Variants in DNAH14 observed in about 807,000 individuals in gnomAD.
The protein encoded by DNAH14 is axonemal beta dynein heavy chain 14.
A neutral mutation model predicts 520.9 loss-of-function variants in DNAH14; 478 were observed. That is an observed-to-expected ratio of 0.92 (90% CI 0.85 to 0.99). The LOEUF (loss-of-function observed/expected upper bound fraction) is 0.99. Among genes scored for constraint, DNAH14 ranks in the 50% least tolerant of loss-of-function variants. DNAH14 has a pLI of 0.00. For missense variants in DNAH14, 4,831 were observed against 5,234.5 expected (o/e 0.92, Z 2.38); for synonymous variants, 1,581 against 1,757.2 (o/e 0.90, Z 2.51).
rs1491330108 is a variant in DNAH14, at chr1:225,335,434, CAT to C, written c.10081-1831_10081-1830del. 1.8e-4 allele frequency among the ~76,000 whole-genome samples: 23 copies of C among 126,718 alleles called. 5 individuals are homozygous for C. The highest frequency in any genetic ancestry group is 5.3e-4 in the Admixed American group (7 of 13,168). 83.1% of individuals were successfully genotyped at this position (126,718 alleles called of 152,430 possible). On this transcript the variant is annotated intron_variant, in intron 66 of 85. Transcript: ENST00000682510. ...GTGTATGCACATATGCACGTGTGTA[CAT>C]GTGTGTGTATGCACATATGCACGTG... is the stretch of plus-strand genomic sequence containing the variant.
At chr1:225,293,946 A>T (rs889036344) in intron 55 of DNAH14, among the ~76,000 whole-genome samples, 1 of 151,992 alleles carries the variant, frequency 6.6e-6, no homozygotes, top group African/African-American at 2.4e-5. Context: ...CCTTTATCTA[A>T]TTGCTTTGGC....
intron 43 of DNAH14, among the ~76,000 whole-genome samples, chr1:225,244,111 T>C (rs899042372): frequency 6.6e-6 from 1 of 152,154 alleles, no homozygotes; most frequent in Admixed American, 6.6e-5. Flanking sequence ...AATCATATGT[T>C]TTTTGTTACT....
intron 43 of DNAH14, among the ~76,000 whole-genome samples, chr1:225,247,243 G>A (rs1053567580): frequency 5.9e-5 from 9 of 151,962 alleles, no homozygotes; most frequent in Non-Finnish European, 1.2e-4. Flanking sequence ...GGGGCAAGGG[G>A]AGGGAGAGCA....
intron 41 of DNAH14, among the ~76,000 whole-genome samples, chr1:225,227,596 T>C (rs1369665982): frequency 6.6e-6 from 1 of 152,138 alleles, no homozygotes; most frequent in Non-Finnish European, 1.5e-5. Flanking sequence ...CCCACACATT[T>C]GCAGGGTTAC....
chr1:225,061,317 C>T (rs929684524), intron 17 of DNAH14, among the ~76,000 whole-genome samples: 1 of 152,332 alleles, frequency 6.6e-6, no homozygotes, highest in South Asian at 2.1e-4. Context: ...CTGAGCCAGG[C>T]GCTGGATACA....
rs1453114640 is a variant in DNAH14, at chr1:225,392,361, C to A, written c.13401C>A (p.Thr4467=). ...TCGCTGTGGATGCCCTCACCTTCAC[C>A]CACCATGTGATTTCCAACACCACTG... ...RGIAVDALTF[T]HHVISNTTDK... is the part of the protein sequence containing the mutation. Residue 4467 remains threonine (T), a synonymous_variant, in exon 84 of 86, where the codon ACC becomes ACA. Coordinates refer to ENST00000682510, the MANE Select transcript of DNAH14 (RefSeq NM_001367479.1). The A allele has an allele frequency of 1.3e-6, 2 of 1,552,174 alleles. No individual in the cohort carries two copies. The highest frequency in any genetic ancestry group is 2.7e-5 in the African/African-American group (2 of 73,052).
At chr1:225,318,916 C>G (rs1438303668) in intron 61 of DNAH14, among the ~76,000 whole-genome samples, 1 of 151,798 alleles carries the variant, frequency 6.6e-6, no homozygotes, top group East Asian at 1.9e-4. Flanking sequence ...TTTTTTGTAT[C>G]CTGAAGAAAA....
At chr1:224,939,223 C>A (rs1470262127) in intron 1 of DNAH14, among the ~76,000 whole-genome samples, 1 of 152,172 alleles carries the variant, frequency 6.6e-6, no homozygotes, top group Admixed American at 6.5e-5. Context: ...TTATTGTCTT[C>A]TGGCTTCTGT....
chr1:224,993,943 G>A (rs973456912), intron 8 of DNAH14, among the ~76,000 whole-genome samples: 3 of 151,664 alleles, frequency 2.0e-5, no homozygotes, highest in Non-Finnish European at 2.9e-5. Flanking sequence ...TGGCTTTTTC[G>A]TTGTGCAAGA....
rs1393412681 is a variant in DNAH14 at position 224,964,380 on chromosome 1, A to C, written c.368-99A>C. 1.0e-5 allele frequency: 13 copies of C among 1,287,394 alleles called. No homozygotes were observed. The East Asian group carries it at 3.5e-4, about 34-fold the overall frequency. 79.7% of individuals were successfully genotyped at this position (1,287,394 alleles called of 1,614,324 possible). A position where few individuals can be genotyped will look rare whatever the true frequency, so the allele number is the denominator to read the frequency against. ...GTTATGTATACTTTGTTACCATTTA[A>C]ATTTTTCTCTATATAGAAATATTTG... On this transcript the variant is annotated intron_variant, in intron 4 of 85. Coordinates refer to ENST00000682510, the MANE Select transcript of DNAH14 (RefSeq NM_001367479.1).
At chr1:224,991,990 A>G (rs985637939) in intron 8 of DNAH14, among the ~76,000 whole-genome samples, 3 of 152,192 alleles carry the variant, frequency 2.0e-5, no homozygotes, top group Non-Finnish European at 4.4e-5. Context: ...TTTATTGAAG[A>G]GACTATCCTT....
At chr1:225,332,941 C>T (rs553887233) in intron 65 of DNAH14, among the ~76,000 whole-genome samples, 2 of 152,118 alleles carry the variant, frequency 1.3e-5, no homozygotes, top group African/African-American at 4.8e-5. Flanking sequence ...GAGATCAAGG[C>T]TGCAGTGAGC....
At chr1:225,271,017 G>A (rs1476038468) in intron 50 of DNAH14, among the ~76,000 whole-genome samples, 151 bp downstream of exon 50, 1 of 152,104 alleles carries the variant, frequency 6.6e-6, no homozygotes, top group African/African-American at 2.4e-5. Flanking sequence ...TTATAATTTG[G>A]TTCTACATAT....
intron 41 of DNAH14, among the ~76,000 whole-genome samples, chr1:225,221,840 T>C (rs745584419): frequency 2.0e-5 from 3 of 152,242 alleles, no homozygotes; most frequent in Non-Finnish European, 4.4e-5. Flanking sequence ...GGTTGTTTAC[T>C]GATGTTGTCC....
chr1:224,964,370 T>G, intron 4 of DNAH14, 109 bp from the exon 5 acceptor site: 2 of 1,234,462 alleles, frequency 1.6e-6, no homozygotes, highest in Non-Finnish European at 2.1e-6. Context: ...GTATACTTTG[T>G]TACCATTTAA....
At chr1:225,082,123 T>C (rs973177500) in intron 19 of DNAH14, among the ~76,000 whole-genome samples, 1 of 150,420 alleles carries the variant, frequency 6.6e-6, no homozygotes, top group Non-Finnish European at 1.5e-5. Flanking sequence ...AAGATGTTAA[T>C]TAAATAAATA....
chr1:225,010,414 T>C (rs767402918), intron 10 of DNAH14, among the ~76,000 whole-genome samples: 1 of 152,218 alleles, frequency 6.6e-6, no homozygotes, highest in Non-Finnish European at 1.5e-5. Context: ...TTTGTGTATG[T>C]TGAACCAGCC....
At chr1:225,093,517 G>A (rs1007524807) in intron 21 of DNAH14, among the ~76,000 whole-genome samples, 2 of 152,076 alleles carry the variant, frequency 1.3e-5, no homozygotes, top group African/African-American at 4.8e-5. Flanking sequence ...CAAACCCGCA[G>A]CCAACATCAT....
In DNAH14 at chr1:225,100,818, T is replaced by C; in HGVS notation, c.3801T>C (p.Ser1267=). ...AGAATGCTTTGCAGATAACCACTTC[T>C]GCAGGAGTCCTTGAAATTCTGCAAA... The part of the protein sequence containing the change: ...NKQNALQITT[S]AGVLEILQNC... Residue 1267 remains serine (S), a synonymous_variant, in exon 23 of 86, where the codon TCT becomes TCC. Coordinates refer to ENST00000682510, the MANE Select transcript of DNAH14 (RefSeq NM_001367479.1). 6.5e-7 allele frequency: 1 copy of C among 1,535,592 alleles called. No individual in the cohort carries two copies. The highest frequency in any genetic ancestry group is 8.8e-7 in the Non-Finnish European group (1 of 1,142,770).
Sources: allele counts gnomAD v4.1 joint callset (sites outside exome capture counted in the v4.1 genomes callset), GRCh38; gene constraint gnomAD v4.1.1; transcripts MANE v1.5; gene names NCBI Gene and HGNC (gene_info 2026-07-23, HGNC 2026-07-21).